The following PHACTR4 variants were observed in gnomAD, a reference collection of about 807,000 sequenced individuals.
PHACTR4 encodes protein phosphatase 1, regulatory subunit 124.
Under a neutral mutation model 72.7 loss-of-function variants are expected in PHACTR4, and 51 were observed. That is an observed-to-expected ratio of 0.70 (90% CI 0.56 to 0.89). The LOEUF is 0.89. Ranked by LOEUF, PHACTR4 falls within the 40% of genes least tolerant of loss-of-function variation. The probability of loss-of-function intolerance (pLI) is 0.00; values close to 1 mark genes in which losing one functional copy is unlikely to be tolerated. For missense variants in PHACTR4, 731 were observed against 861.8 expected, an observed-to-expected ratio of 0.85 and a Z score of 1.90; for synonymous variants, 255 against 302.5, an observed-to-expected ratio of 0.84 and a Z score of 1.63.
At chr1:28,446,563 G>A (rs1657483690) in intron 2 of PHACTR4, among the ~76,000 whole-genome samples, 1 of 152,178 alleles carries the variant, frequency 6.6e-6, no homozygotes, top group South Asian at 2.1e-4. Flanking sequence ...GGTGGATCAT[G>A]AGGTCGGGAG....
At chr1:28,438,578 C>A in intron 2 of PHACTR4, 1 of 811,568 alleles carries the variant, frequency 1.2e-6, no homozygotes, top group Non-Finnish European at 1.8e-6. Context: ...TGAATGAAGT[C>A]ATGCGGAACA....
intron 2 of PHACTR4, among the ~76,000 whole-genome samples, chr1:28,456,831 G>A (rs1244289151): frequency 6.6e-6 from 1 of 152,038 alleles, no homozygotes; most frequent in African/African-American, 2.4e-5. Context: ...AAGGCTCAGT[G>A]AGCTGTGATT....
chr1:28,403,935 G>A (rs368926244), intron 1 of PHACTR4, among the ~76,000 whole-genome samples: 18 of 152,232 alleles, frequency 1.2e-4, no homozygotes, highest in Admixed American at 1.0e-3. Context: ...TGAATGTCCC[G>A]TTGTATTAAT....
chr1:28,423,645 G>C (rs776669841), intron 2 of PHACTR4, among the ~76,000 whole-genome samples: 2 of 152,102 alleles, frequency 1.3e-5, no homozygotes, highest in Non-Finnish European at 2.9e-5. Flanking sequence ...CTCAGATCCA[G>C]ATTACTTAGA....
chr1:28,420,152 G>T (rs1277734255), intron 2 of PHACTR4, among the ~76,000 whole-genome samples: 1 of 152,130 alleles, frequency 6.6e-6, no homozygotes, highest in Non-Finnish European at 1.5e-5. Flanking sequence ...CACTCAGGAG[G>T]CTGGGAGAAT....
At chr1:28,428,360 C>A (rs1161302234) in intron 2 of PHACTR4, among the ~76,000 whole-genome samples, 4 of 152,148 alleles carry the variant, frequency 2.6e-5, no homozygotes, top group Non-Finnish European at 5.9e-5. Context: ...TGAAACTTTC[C>A]TGTTGATTAT....
At chr1:28,434,265 C>G (rs1000942539) in intron 2 of PHACTR4, among the ~76,000 whole-genome samples, 1 of 151,974 alleles carries the variant, frequency 6.6e-6, no homozygotes, top group Non-Finnish European at 1.5e-5. Context: ...ACCTCAGTTT[C>G]CTCCTTCTGC....
intron 6 of PHACTR4, among the ~76,000 whole-genome samples, chr1:28,472,925 C>T (rs1346842293): frequency 1.3e-5 from 2 of 148,552 alleles, no homozygotes; most frequent in African/African-American, 4.9e-5. Flanking sequence ...CACAAGATAA[C>T]TTTTTATCAG....
intron 1 of PHACTR4, among the ~76,000 whole-genome samples, chr1:28,389,086 T>A (rs1357567423): frequency 6.6e-6 from 1 of 152,036 alleles, no homozygotes; most frequent in Non-Finnish European, 1.5e-5. Context: ...ACGTATAGAA[T>A]GGGAGAAAAT....
chr1:28,415,488 A>C (rs1463098421), intron 2 of PHACTR4, among the ~76,000 whole-genome samples: 1 of 152,184 alleles, frequency 6.6e-6, no homozygotes, highest in Non-Finnish European at 1.5e-5. Flanking sequence ...TACCAGAACA[A>C]AAGGGACTGA....
At chr1:28,427,907 T>G (rs1655977309) in intron 2 of PHACTR4, among the ~76,000 whole-genome samples, 1 of 152,222 alleles carries the variant, frequency 6.6e-6, no homozygotes, top group African/African-American at 2.4e-5. Flanking sequence ...ATTTAACACT[T>G]ATTTTGCATA....
intron 2 of PHACTR4, among the ~76,000 whole-genome samples, chr1:28,441,701 C>T (rs940839655): frequency 2.6e-5 from 4 of 152,150 alleles, no homozygotes; most frequent in African/African-American, 9.7e-5. Context: ...CTAGATAAAA[C>T]ATTGCAATCA....
At position 28,496,845 on chromosome 1, in the gene PHACTR4, A is replaced by G; in HGVS notation, c.*296A>G. 1 of 498,422 alleles carries G rather than the reference A, an allele frequency of 2.0e-6. No homozygotes were observed. The highest frequency in any genetic ancestry group is 3.6e-6 in the Non-Finnish European group (1 of 275,100). The allele number at this position is 498,422 out of a possible 1,614,324, so 30.9% of individuals were successfully genotyped here. On this transcript the variant is annotated 3_prime_UTR_variant, in exon 14 of 14. Transcript: ENST00000373839. ...GAACCACTTGCAGGTTCCAGGTTTT[A>G]CTGGCTGCACCACACCCCTTCCCCT...
At chr1:28,379,973 C>A (rs566875091) in intron 1 of PHACTR4, among the ~76,000 whole-genome samples, 89 of 150,852 alleles carry the variant, frequency 5.9e-4, no homozygotes, top group Non-Finnish European at 1.1e-3. Flanking sequence ...TTTCTATTAT[C>A]AACTTTTTTT....
chr1:28,467,484 T>C (rs1280901342), intron 6 of PHACTR4, among the ~76,000 whole-genome samples: 2 of 152,014 alleles, frequency 1.3e-5, no homozygotes, highest in Non-Finnish European at 2.9e-5. Context: ...TGGCACTTGC[T>C]GAAAAATTAG....
rs548647008 is a variant in PHACTR4 at position 28,376,932 on chromosome 1, C to A, written c.-39+7107C>A. Reference sequence around the variant, plus strand: ...GATTACAGGCGTGAGCCAGCGCGCCCGGCCTTAATTTTTTTTTGAAATGAG... The same window carrying A: ...GATTACAGGCGTGAGCCAGCGCGCCAGGCCTTAATTTTTTTTTGAAATGAG... On this transcript the variant is annotated intron_variant, in intron 1 of 13. Coordinates refer to ENST00000373839, the MANE Select transcript of PHACTR4 (RefSeq NM_001048183.3). Among the ~76,000 whole-genome samples, 4 of 151,626 alleles carry A rather than the reference C, an allele frequency of 2.6e-5. No individual in the cohort carries two copies. The Admixed American group carries it at 2.6e-4, about 10-fold the overall frequency.
Position 28,453,522 on chromosome 1 carries a change from G to T in PHACTR4, c.17-5563G>T, listed in dbSNP as rs1185125950. ...TTTTTATAAGTATATATACATAGGT[G>T]GTGGCTGGGCTGGGGAAATGGCGGC... On this transcript the variant is annotated intron_variant, in intron 2 of 13. Transcript: ENST00000373839. 5 of 583,984 alleles carry T rather than the reference G, an allele frequency of 8.6e-6. No homozygotes were observed. The African/African-American group carries it at 9.3e-5, about 11-fold the overall frequency. 36.2% of individuals were successfully genotyped at this position (583,984 alleles called of 1,614,324 possible).
chr1:28,453,926 T>C, intron 2 of PHACTR4: 1 of 748,184 alleles, frequency 1.3e-6, no homozygotes. Context: ...AAAGAATACA[T>C]GGAACACGGC....
intron 2 of PHACTR4, among the ~76,000 whole-genome samples, chr1:28,424,833 G>A (rs539216946): frequency 2.0e-5 from 3 of 150,476 alleles, no homozygotes; most frequent in South Asian, 4.2e-4. Flanking sequence ...GTGTTCTGTC[G>A]CCCAGCTTGG....
Sources: allele counts gnomAD v4.1 joint callset (sites outside exome capture counted in the v4.1 genomes callset), GRCh38; gene constraint gnomAD v4.1.1; transcripts MANE v1.5; gene names NCBI Gene and HGNC (gene_info 2026-07-23, HGNC 2026-07-21).